RALGPS2: variants seen among roughly 807,000 people sequenced by gnomAD.
The protein encoded by RALGPS2 is ras-specific guanine nucleotide-releasing factor RalGPS2.
In RALGPS2, 43 loss-of-function variants were observed where a neutral mutation model predicts 86.8. That is an observed-to-expected ratio of 0.50 (90% CI 0.39 to 0.64). The LOEUF (loss-of-function observed/expected upper bound fraction) is 0.64. Ranked by LOEUF, RALGPS2 falls within the 30% of genes least tolerant of loss-of-function variation. The pLI, the probability that RALGPS2 is intolerant of heterozygous loss-of-function variation, is 0.00. For missense variants in RALGPS2, 536 were observed against 694.6 expected (o/e 0.77, Z 2.57); for synonymous variants, 243 against 231.3 (o/e 1.05, Z -0.46).
Position 178,911,817 on chromosome 1 carries a change from A to G in RALGPS2, c.1723-4513A>G, listed in dbSNP as rs1045839488. 3.3e-5 allele frequency among the ~76,000 whole-genome samples: 5 copies of G among 152,258 alleles called. No homozygotes were observed. In the East Asian group the frequency reaches 7.7e-4, roughly 23 times the overall value. On this transcript the variant is annotated intron_variant, in intron 19 of 19. Coordinates refer to ENST00000367635, the MANE Select transcript of RALGPS2 (RefSeq NM_152663.5). ...CCTGACACTATCAGTGGGGTGTTGA[A>G]GTCTTCCATTATGTAGTTATCTAAG...
intron 14 of RALGPS2, among the ~76,000 whole-genome samples, chr1:178,889,918 T>A (rs1490549479): frequency 6.6e-6 from 1 of 151,978 alleles, no homozygotes; most frequent in Non-Finnish European, 1.5e-5. Context: ...GACACATGTA[T>A]TTGAATTTTA....
rs533158916 is a variant in RALGPS2, at chr1:178,832,379, A to G, written c.481-1045A>G. Among the ~76,000 whole-genome samples, 46 of 152,266 alleles carry G rather than the reference A, an allele frequency of 3.0e-4. 1 individual carries two copies. In the East Asian group the frequency reaches 8.5e-3, roughly 28 times the overall value. On this transcript the variant is annotated intron_variant, in intron 7 of 19. Transcript: ENST00000367635. ...CCAACTGTACTACTTATAATACTAG[A>G]AAGAGTAGTGGATTAGGTGTCAGAA...
Position 178,892,223 on chromosome 1 carries a change from C to A in RALGPS2, c.1248-7C>A, listed in dbSNP as rs1001853318. 2 of 1,610,626 alleles carry A rather than the reference C, an allele frequency of 1.2e-6. No homozygotes were observed. Among genetic ancestry groups the A allele is most frequent in the Non-Finnish European group, 1.7e-6 (2 of 1,177,514 alleles). ...TAATATATACAATTTATAATGGAAT[C>A]CAACAGGAACAGATTATACCATTCT... On this transcript the variant is annotated splice_region_variant and splice_polypyrimidine_tract_variant and intron_variant, in intron 14 of 19. Transcript: ENST00000367635.
intron 8 of RALGPS2, among the ~76,000 whole-genome samples, chr1:178,836,597 C>G (rs981985485): frequency 6.6e-6 from 1 of 152,116 alleles, no homozygotes; most frequent in Non-Finnish European, 1.5e-5. Context: ...TTCTCAAGCC[C>G]CATCTTAATT....
intron 8 of RALGPS2, among the ~76,000 whole-genome samples, chr1:178,849,266 A>G (rs1006200884): frequency 6.6e-6 from 1 of 152,204 alleles, no homozygotes; most frequent in Non-Finnish European, 1.5e-5. Flanking sequence ...TAACTATCAT[A>G]TAATACCGCT....
intron 15 of RALGPS2, 199 bp from the exon 16 acceptor site, chr1:178,893,720 C>T (rs1336936780): frequency 7.0e-6 from 3 of 428,140 alleles, no homozygotes; most frequent in Non-Finnish European, 1.2e-5. Flanking sequence ...CATCTGCTGA[C>T]TTTAATAACT....
At chr1:178,871,063 G>C (rs904914684) in intron 8 of RALGPS2, 1 of 152,144 alleles carries the variant, frequency 6.6e-6, no homozygotes, top group East Asian at 1.9e-4. Context: ...AGCTGACCCA[G>C]ATTGTATATA....
In RALGPS2 at chr1:178,907,976, A is replaced by G. The variant is rs76993870; in HGVS notation, c.1722+1109A>G. On this transcript the variant is annotated intron_variant, in intron 19 of 19. Transcript: ENST00000367635. ...TTTTGGGTTCAGAGGGTACTTGTGC[A>G]GGTTTGTTACATGGGTATATTGTGT... Among the ~76,000 whole-genome samples, 328 of 152,212 alleles carry G rather than the reference A, an allele frequency of 2.2e-3. 2 individuals are homozygous for G. Among genetic ancestry groups the G allele is most frequent in the Middle Eastern group, 0.01 (3 of 294 alleles).
Position 178,808,255 on chromosome 1 carries a change from T to C in RALGPS2, c.297+127T>C, listed in dbSNP as rs77158496. 1.9e-3 allele frequency: 1,279 copies of C among 679,848 alleles called. 9 individuals are homozygous for C. In the African/African-American group the frequency reaches 0.02, roughly 11 times the overall value. The allele number at this position is 679,848 out of a possible 1,614,324, so 42.1% of individuals were successfully genotyped here. ...TTCAGCCAGTATCTCTCAAGTATTGTCTCTGTGCATGATCTCTTTTTTTCT... is the reference window on the plus strand; with the variant it reads ...TTCAGCCAGTATCTCTCAAGTATTGCCTCTGTGCATGATCTCTTTTTTTCT... On this transcript the variant is annotated intron_variant, in intron 5 of 19. Transcript: ENST00000367635.
intron 13 of RALGPS2, among the ~76,000 whole-genome samples, chr1:178,888,909 A>T (rs1242806193): frequency 6.6e-6 from 1 of 152,104 alleles, no homozygotes; most frequent in Non-Finnish European, 1.5e-5. Flanking sequence ...ACCCTGTCTG[A>T]TAGACAATTT....
At chr1:178,754,806 T>A (rs1029886630) in intron 1 of RALGPS2, among the ~76,000 whole-genome samples, 1 of 152,212 alleles carries the variant, frequency 6.6e-6, no homozygotes, top group African/African-American at 2.4e-5. Context: ...TGTTTGTTTG[T>A]TTGATTGTTT....
At position 178,811,353 on chromosome 1, in the gene RALGPS2, A is replaced by G. The variant is rs1654966311; in HGVS notation, c.336A>G (p.Gln112=). ...FWVVREILHA[Q]TLKIRAEVLS... The stretch of plus-strand genomic sequence containing the variant: ...TTGTTAGAGAGATTCTTCATGCTCA[A>G]ACATTAAAAATTAGAGCAGAAGTTT... The change falls in exon 6 of 20, where the codon CAA becomes CAG. Residue 112 remains glutamine, a synonymous_variant. Coordinates refer to ENST00000367635, the MANE Select transcript of RALGPS2 (RefSeq NM_152663.5). The G allele has an allele frequency of 6.4e-7, 1 of 1,550,486 alleles. No individual in the cohort carries two copies. The highest frequency in any genetic ancestry group is 8.6e-7 in the Non-Finnish European group (1 of 1,158,474).
chr1:178,874,239 T>G (rs1658900268), intron 8 of RALGPS2, among the ~76,000 whole-genome samples: 1 of 152,210 alleles, frequency 6.6e-6, no homozygotes, highest in Non-Finnish European at 1.5e-5. Flanking sequence ...ATGTCGTAGT[T>G]CTTTTTTAAA....
In RALGPS2 at chr1:178,918,619, C is replaced by T. The variant is rs142459039; in HGVS notation, c.*2260C>T. 2.6e-5 allele frequency: 4 copies of T among 152,228 alleles called. No individual in the cohort carries two copies. In the East Asian group the frequency reaches 7.7e-4, roughly 29 times the overall value. The allele number at this position is 152,228 out of a possible 1,614,324, so 9.4% of individuals were successfully genotyped here. On this transcript the variant is annotated 3_prime_UTR_variant, in exon 20 of 20. Coordinates refer to ENST00000367635, the MANE Select transcript of RALGPS2 (RefSeq NM_152663.5). The stretch of plus-strand genomic sequence containing the variant: ...ATTTGGTTAATAGTTTATAGATAGA[C>T]TTGTGGCCTCTGACTGACTAAATTT...
At chr1:178,824,818 GA>G (rs958245356) in intron 7 of RALGPS2, among the ~76,000 whole-genome samples, 1 of 124,232 alleles carries the variant, frequency 8.0e-6, no homozygotes, top group Non-Finnish European at 1.7e-5. Flanking sequence ...CAAAAAAAAA[GA>G]AAAAAAAAGA....
intron 1 of RALGPS2, among the ~76,000 whole-genome samples, chr1:178,743,083 A>T (rs537831394): frequency 5.3e-5 from 8 of 152,332 alleles, no homozygotes; most frequent in Admixed American, 3.3e-4. Flanking sequence ...TTAGCCAGAC[A>T]TGGTGACACA....
intron 8 of RALGPS2, among the ~76,000 whole-genome samples, chr1:178,835,392 CTTTTTTT>C (rs71297889): frequency 2.5e-5 from 3 of 122,034 alleles, no homozygotes; most frequent in African/African-American, 9.1e-5. Flanking sequence ...TCTTTCTTTT[CTTTTTTT>C]TTTTTTTTTT....
chr1:178,869,594 G>A (rs1658623448), intron 8 of RALGPS2, among the ~76,000 whole-genome samples: 1 of 152,012 alleles, frequency 6.6e-6, no homozygotes, highest in African/African-American at 2.4e-5. Context: ...ATCCACTGTT[G>A]CTTGGAAATT....
intron 1 of RALGPS2, among the ~76,000 whole-genome samples, chr1:178,728,152 T>A (rs1378188222): frequency 7.1e-6 from 1 of 140,194 alleles, no homozygotes; most frequent in Non-Finnish European, 1.5e-5. Context: ...GTTAAATGAA[T>A]GTTTGCTGAA....
Sources: gnomAD v4.1 joint callset for allele counts (sites outside exome capture counted in the v4.1 genomes callset) on GRCh38, gnomAD v4.1.1 for gene constraint, MANE v1.5 for transcripts, NCBI Gene and HGNC (gene_info 2026-07-23, HGNC 2026-07-21) for gene names.